NECTIN3: variants seen among roughly 807,000 people sequenced by gnomAD.
The protein encoded by NECTIN3 is nectin-3.
Under a neutral mutation model 49.4 loss-of-function variants are expected in NECTIN3, and 8 were observed. That is an observed-to-expected ratio of 0.16 (90% CI 0.10 to 0.29). The LOEUF is 0.29. Among genes scored for constraint, NECTIN3 ranks in the 10% least tolerant of loss-of-function variants. The pLI is 1.00. For missense variants in NECTIN3, 581 were observed against 654.6 expected (o/e 0.89, Z 1.23); for synonymous variants, 277 against 241.1 (o/e 1.15, Z -1.38).
intron 7 of NECTIN3, among the ~76,000 whole-genome samples, chr3:111,173,958 T>C (rs1227321832): frequency 2.0e-5 from 3 of 152,102 alleles, no homozygotes; most frequent in Admixed American, 1.3e-4. Flanking sequence ...TCATCATCAT[T>C]ATCATTATCG....
chr3:111,147,480 T>C lies in NECTIN3; in HGVS notation c.1217T>C (p.Phe406Ser), dbSNP rs922522389. Residue 406 changes from phenylalanine (F) to serine (S), a missense_variant, in exon 7 of 9, where the codon TTT (phenylalanine) becomes TCT (serine). Coordinates refer to the NECTIN3 transcript ENST00000493615. ...CCACCTTTGCCTCAGAAAGACCTAT[T>C]TCAGGTATGTGTTCATGAGTACACT... The C allele has an allele frequency of 2.6e-6, 4 of 1,512,132 alleles. No individual in the cohort carries two copies. In the African/African-American group the frequency reaches 5.5e-5, roughly 21 times the overall value. 93.7% of individuals were successfully genotyped at this position (1,512,132 alleles called of 1,614,324 possible).
chr3:111,128,711 C>T (rs530215575), intron 5 of NECTIN3, among the ~76,000 whole-genome samples: 28 of 152,272 alleles, frequency 1.8e-4, no homozygotes, highest in Admixed American at 1.6e-3. Context: ...CAAATCAATA[C>T]CAGCTCTTCC....
At chr3:111,080,367 G>A (rs2031515814) in intron 1 of NECTIN3, among the ~76,000 whole-genome samples, 1 of 151,878 alleles carries the variant, frequency 6.6e-6, no homozygotes, top group South Asian at 2.1e-4. Context: ...ATAAGTAGCT[G>A]GTGAAATTTG....
At chr3:111,148,346 G>A (rs373196951) in intron 7 of NECTIN3, among the ~76,000 whole-genome samples, 258 of 152,342 alleles carry the variant, frequency 1.7e-3, no homozygotes, top group Admixed American at 5.2e-3. Flanking sequence ...AATGGGGCAG[G>A]AAGGAGCATT....
intron 1 of NECTIN3, 24 bp from the exon 2 acceptor site, chr3:111,112,006 G>T (rs749189260): frequency 2.8e-5 from 43 of 1,533,296 alleles, no homozygotes; most frequent in Non-Finnish European, 3.5e-5. Flanking sequence ...TTTAAAAATT[G>T]TAGTACTTTT....
At chr3:111,149,460 TGTG>T (rs1331943293) in intron 7 of NECTIN3, among the ~76,000 whole-genome samples, 1 of 26,810 alleles carries the variant, frequency 3.7e-5, no homozygotes, top group Non-Finnish European at 5.6e-5. Flanking sequence ...TCTGGTAGGA[TGTG>T]TGTGTGTGTG....
chr3:111,162,840 G>T (rs918331444), intron 7 of NECTIN3, among the ~76,000 whole-genome samples: 2 of 152,104 alleles, frequency 1.3e-5, no homozygotes, highest in African/African-American at 4.8e-5. Context: ...TCCAACATCT[G>T]CCCGTAGCCT....
intron 1 of NECTIN3, among the ~76,000 whole-genome samples, chr3:111,106,615 A>T (rs1319398907): frequency 6.6e-6 from 1 of 152,192 alleles, no homozygotes. Flanking sequence ...TAATTACTGA[A>T]TGTGCTGGTG....
intron 7 of NECTIN3, among the ~76,000 whole-genome samples, chr3:111,175,886 T>A (rs965133706): frequency 9.9e-5 from 15 of 152,190 alleles, no homozygotes; most frequent in African/African-American, 3.6e-4. Flanking sequence ...CTGTTAAATG[T>A]TTTTTTGCAT....
chr3:111,111,376 C>A (rs2033453276), intron 1 of NECTIN3, among the ~76,000 whole-genome samples: 1 of 152,016 alleles, frequency 6.6e-6, no homozygotes, highest in African/African-American at 2.4e-5. Context: ...TTTATATAAG[C>A]ATTTCTTCAT....
At chr3:111,103,717 G>T (rs1480770353) in intron 1 of NECTIN3, among the ~76,000 whole-genome samples, 5 of 152,024 alleles carry the variant, frequency 3.3e-5, no homozygotes. Flanking sequence ...GGAAATCCTT[G>T]CCTATTTCTG....
intron 1 of NECTIN3, among the ~76,000 whole-genome samples, chr3:111,083,114 TG>T (rs1305088929): frequency 6.6e-6 from 1 of 152,140 alleles, no homozygotes; most frequent in African/African-American, 2.4e-5. Context: ...ACTCACTTTC[TG>T]CTGTGCGGTC....
chr3:111,144,892 T>C lies in NECTIN3; in HGVS notation c.1001-7T>C, dbSNP rs2034836334. 4 of 1,530,836 alleles carry C rather than the reference T, an allele frequency of 2.6e-6. No individual in the cohort carries two copies. The East Asian group carries it at 9.8e-5, about 37-fold the overall frequency. The allele number at this position is 1,530,836 out of a possible 1,614,324, so 94.8% of individuals were successfully genotyped here. Reference sequence around the variant, plus strand: ...ATTTGAAAAGCCTAATTTTTGTTACTTTACAGATGTTCCATTTAAGCAGAC... The same window carrying C: ...ATTTGAAAAGCCTAATTTTTGTTACCTTACAGATGTTCCATTTAAGCAGAC... On this transcript the variant is annotated splice_polypyrimidine_tract_variant and splice_region_variant and intron_variant, in intron 5 of 8. Transcript: ENST00000493615.
intron 1 of NECTIN3, among the ~76,000 whole-genome samples, chr3:111,099,965 G>GTGA (rs1207739250): frequency 4.6e-5 from 7 of 152,038 alleles, no homozygotes; most frequent in Non-Finnish European, 1.0e-4. Flanking sequence ...TGTTTTATAG[G>GTGA]TGATAAAACA....
In NECTIN3 at chr3:111,135,150, T is replaced by G. The variant is rs1423154129; in HGVS notation, c.*935T>G. On this transcript the variant is annotated 3_prime_UTR_variant, in exon 6 of 6. Coordinates refer to ENST00000485303, the MANE Select transcript of NECTIN3 (RefSeq NM_015480.3). ...TCAGCCAACAATCTATAGAAAGAATTTTATGGACCATCTTGTTTTAGTTAT... is the reference window on the plus strand; with the variant it reads ...TCAGCCAACAATCTATAGAAAGAATGTTATGGACCATCTTGTTTTAGTTAT... 1 of 982,108 alleles carries G rather than the reference T, an allele frequency of 1.0e-6. No individual in the cohort carries two copies. Among genetic ancestry groups the G allele is most frequent in the Non-Finnish European group, 1.2e-6 (1 of 827,180 alleles). 60.8% of individuals were successfully genotyped at this position (982,108 alleles called of 1,614,324 possible). A position where few individuals can be genotyped will look rare whatever the true frequency, so the allele number is the denominator to read the frequency against.
intron 3 of NECTIN3, among the ~76,000 whole-genome samples, chr3:111,121,614 T>C (rs1011450195): frequency 3.9e-5 from 6 of 152,168 alleles, no homozygotes; most frequent in African/African-American, 1.4e-4. Flanking sequence ...CCCAATATAT[T>C]AATTAATTGT....
intron 7 of NECTIN3, among the ~76,000 whole-genome samples, chr3:111,159,730 T>G (rs2035171853): frequency 6.6e-6 from 1 of 152,202 alleles, no homozygotes; most frequent in Non-Finnish European, 1.5e-5. Flanking sequence ...TTTTACTACC[T>G]CACAAGACAT....
At chr3:111,073,391 ATG>A (rs2107344265) in intron 1 of NECTIN3, 1 of 152,468 alleles carries the variant, frequency 6.6e-6, no homozygotes, top group East Asian at 1.9e-4. Flanking sequence ...AGTTTGCATG[ATG>A]GGATTGAGTG....
chr3:111,133,988 A>G lies in NECTIN3; in HGVS notation c.1423A>G (p.Lys475Glu), dbSNP rs1320053907. Residue 475 changes from lysine to glutamate, a missense_variant, in exon 6 of 6, where the codon AAA (lysine) becomes GAA (glutamate). Physicochemically the swap from Lys to Glu is moderately conservative, Grantham distance 56. Transcript: ENST00000485303. ...SYPDSVKKEN[K>E]NPVNNLIRKD... ...CCCAGACAGTGTAAAAAAAGAAAACAAAAATCCAGTGAACAATCTAATACG... is the reference window on the plus strand; with the variant it reads ...CCCAGACAGTGTAAAAAAAGAAAACGAAAATCCAGTGAACAATCTAATACG... The G allele has an allele frequency of 6.2e-7, 1 of 1,613,136 alleles. No individual in the cohort carries two copies. Among genetic ancestry groups the G allele is most frequent in the Non-Finnish European group, 8.5e-7 (1 of 1,179,700 alleles).
Sources: allele counts gnomAD v4.1 joint callset (sites outside exome capture counted in the v4.1 genomes callset), GRCh38; gene constraint gnomAD v4.1.1; transcripts MANE v1.5; gene names NCBI Gene and HGNC (gene_info 2026-07-23, HGNC 2026-07-21).